Variants in ATXN8OS observed in about 807,000 individuals in gnomAD.
ATXN8OS encodes the protein ATXN8 opposite strand lncRNA, also known as ATXN8 opposite strand (non-protein coding).
At chr13:70,169,213 G>GTAA (rs1163058133) in intron 4 of ATXN8OS, among the ~76,000 whole-genome samples, 2 of 152,082 alleles carry the variant, frequency 1.3e-5, no homozygotes, top group Admixed American at 1.3e-4. Flanking sequence ...AAAGTGTAAG[G>GTAA]TAATAAATAG....
At chr13:70,135,643 C>A (rs1393537521) in intron 3 of ATXN8OS, among the ~76,000 whole-genome samples, 1 of 102,960 alleles carries the variant, frequency 9.7e-6, no homozygotes, top group Non-Finnish European at 2.6e-5. Flanking sequence ...TTCTTACATT[C>A]CTTTCCCTTA....
At chr13:70,135,806 T>C (rs1376239076) in intron 3 of ATXN8OS, among the ~76,000 whole-genome samples, 1 of 152,156 alleles carries the variant, frequency 6.6e-6, no homozygotes, top group Non-Finnish European at 1.5e-5. Flanking sequence ...TAACCAGATA[T>C]ATAGTACATG....
At chr13:70,158,735 T>C (rs960413199) in intron 4 of ATXN8OS, among the ~76,000 whole-genome samples, 3 of 152,196 alleles carry the variant, frequency 2.0e-5, no homozygotes, top group Admixed American at 2.0e-4. Flanking sequence ...TAACATTATT[T>C]ATGGGCACTG....
intron 2 of ATXN8OS, among the ~76,000 whole-genome samples, chr13:70,128,922 G>A (rs935020001): frequency 4.0e-5 from 6 of 151,158 alleles, no homozygotes; most frequent in South Asian, 2.1e-4. Flanking sequence ...GTGCAGTGGC[G>A]CAATCCCAGC....
At chr13:70,113,426 C>G (rs968119111) in intron 1 of ATXN8OS, among the ~76,000 whole-genome samples, 1 of 151,924 alleles carries the variant, frequency 6.6e-6, no homozygotes, top group African/African-American at 2.4e-5. Flanking sequence ...AAAAAGAAAA[C>G]TGCTTAACTA....
At chr13:70,117,191 G>A (rs187484157) in intron 2 of ATXN8OS, among the ~76,000 whole-genome samples, 12 of 152,080 alleles carry the variant, frequency 7.9e-5, no homozygotes, top group African/African-American at 2.9e-4. Flanking sequence ...AGATTTGGAT[G>A]CTCTCATCTC....
At chr13:70,127,583 A>C (rs574538958) in intron 2 of ATXN8OS, among the ~76,000 whole-genome samples, 1 of 152,080 alleles carries the variant, frequency 6.6e-6, no homozygotes, top group Non-Finnish European at 1.5e-5. Flanking sequence ...TTTAGAAACC[A>C]GATTGAAGAA....
At chr13:70,139,380 A>AGCTGCTGCTGCTGCTGCTGCTGCTG (rs1888667144) in intron 3 of ATXN8OS, 1 of 563,564 alleles carries the variant, frequency 1.8e-6, no homozygotes, top group African/African-American at 2.7e-5. Context: ...TACTACTACT[A>AGCTGCTGCTGCTGCTGCTGCTGCTG]CTACTGCTGC....
intron 4 of ATXN8OS, among the ~76,000 whole-genome samples, chr13:70,150,039 C>G (rs914916257): frequency 6.6e-6 from 1 of 152,094 alleles, no homozygotes; most frequent in South Asian, 2.1e-4. Context: ...TCTGTAGGAA[C>G]ATCTCAGGTC....
intron 1 of ATXN8OS, among the ~76,000 whole-genome samples, chr13:70,114,867 C>T (rs1413541072): frequency 6.6e-6 from 1 of 152,028 alleles, no homozygotes; most frequent in African/African-American, 2.4e-5. Context: ...CCTCCATAAG[C>T]CGTACTTTTT....
chr13:70,108,307 C>T (rs1888128987), intron 1 of ATXN8OS: 5 of 343,030 alleles, frequency 1.5e-5, no homozygotes, highest in Non-Finnish European at 2.6e-5. Flanking sequence ...TGCCGGGTGG[C>T]TCTGAGAAAG....
At chr13:70,120,441 G>T (rs923919789) in intron 2 of ATXN8OS, among the ~76,000 whole-genome samples, 46 of 152,134 alleles carry the variant, frequency 3.0e-4, no homozygotes, top group Middle Eastern at 3.4e-3. Flanking sequence ...TAATAATTTA[G>T]ACTATTAGGA....
At chr13:70,139,194 C>A in intron 3 of ATXN8OS, 1 of 427,182 alleles carries the variant, frequency 2.3e-6, no homozygotes, top group South Asian at 8.1e-5. Context: ...ATTCTATAGT[C>A]TGTGTCTGAT....
chr13:70,161,618 C>T (rs1359222423), intron 4 of ATXN8OS, among the ~76,000 whole-genome samples: 2 of 150,676 alleles, frequency 1.3e-5, no homozygotes, highest in African/African-American at 4.8e-5. Flanking sequence ...GATATCATTG[C>T]CTAACACACT....
At chr13:70,128,102 G>A (rs575983937) in intron 2 of ATXN8OS, among the ~76,000 whole-genome samples, 2 of 151,880 alleles carry the variant, frequency 1.3e-5, no homozygotes, top group Admixed American at 6.6e-5. Context: ...TTTATAGAAG[G>A]TTTACATTAA....
intron 3 of ATXN8OS, among the ~76,000 whole-genome samples, chr13:70,144,243 C>A (rs1356727281): frequency 6.6e-6 from 1 of 152,040 alleles, no homozygotes; most frequent in Non-Finnish European, 1.5e-5. Flanking sequence ...ACAATTTTCT[C>A]CATCCGTTTA....
At chr13:70,152,215 C>T (rs1888876451) in intron 4 of ATXN8OS, among the ~76,000 whole-genome samples, 1 of 151,936 alleles carries the variant, frequency 6.6e-6, no homozygotes, top group Admixed American at 6.6e-5. Flanking sequence ...CAATTTCTAC[C>T]TATCCTTGAA....
At chr13:70,137,706 G>A (rs932831307) in intron 3 of ATXN8OS, among the ~76,000 whole-genome samples, 3 of 152,130 alleles carry the variant, frequency 2.0e-5, no homozygotes, top group Non-Finnish European at 2.9e-5. Context: ...TAAGGACCCT[G>A]AGAATTATCT....
chr13:70,137,477 A>G (rs754244080), intron 3 of ATXN8OS, among the ~76,000 whole-genome samples: 17 of 152,206 alleles, frequency 1.1e-4, no homozygotes, highest in African/African-American at 4.1e-4. Flanking sequence ...CTAGTTTGGC[A>G]GAGCTAAATG....
Sources: allele counts gnomAD v4.1 joint callset (sites outside exome capture counted in the v4.1 genomes callset), GRCh38; gene constraint gnomAD v4.1.1; transcripts MANE v1.5; gene names NCBI Gene and HGNC (gene_info 2026-07-23, HGNC 2026-07-21).